Variants in AUTS2 observed in about 807,000 individuals in gnomAD.
AUTS2 encodes the protein autism susceptibility gene 2 protein.
In AUTS2, 17 loss-of-function variants were observed where a neutral mutation model predicts 112.4. That is an observed-to-expected ratio of 0.15 (90% CI 0.10 to 0.23). The LOEUF (loss-of-function observed/expected upper bound fraction) is 0.23, where lower values mean the gene tolerates loss of function less well. Ranked by LOEUF, AUTS2 falls within the 10% of genes least tolerant of loss-of-function variation. The probability of loss-of-function intolerance (pLI) is 1.00; values close to 1 mark genes in which losing one functional copy is unlikely to be tolerated. For missense variants in AUTS2, 1,510 were observed against 1,701.6 expected (o/e 0.89, Z 1.98); for synonymous variants, 751 against 702.7 (o/e 1.07, Z -1.09).
chr7:69,669,380 A>G (rs1206663460), intron 1 of AUTS2, among the ~76,000 whole-genome samples: 3 of 152,092 alleles, frequency 2.0e-5, no homozygotes, highest in Admixed American at 6.6e-5. Context: ...ATATATAAGT[A>G]TATACAAACC....
chr7:69,978,859 A>AACACACACACACACACACACACACAC (rs71068004), intron 2 of AUTS2, among the ~76,000 whole-genome samples: 4 of 129,716 alleles, frequency 3.1e-5, no homozygotes, highest in Non-Finnish European at 6.4e-5. Flanking sequence ...TCAAAGAAAC[A>AACACACACACACACACACACACACAC]ACACACACAC....
intron 4 of AUTS2, among the ~76,000 whole-genome samples, chr7:70,341,517 A>T (rs1231550107): frequency 6.6e-6 from 1 of 152,228 alleles, no homozygotes; most frequent in Admixed American, 6.5e-5. Context: ...CACAGTGACA[A>T]CTTTCTCAGA....
chr7:70,755,892 CTATA>C (rs982162243), intron 6 of AUTS2, among the ~76,000 whole-genome samples: 7 of 151,688 alleles, frequency 4.6e-5, no homozygotes, highest in South Asian at 2.1e-4. Context: ...TATTTAATAA[CTATA>C]TATAATTATT....
At chr7:70,290,292 C>T (rs1167074427) in intron 4 of AUTS2, 3 of 1,336,554 alleles carry the variant, frequency 2.2e-6, no homozygotes, top group Non-Finnish European at 2.9e-6. Context: ...GTAAAAAAAA[C>T]ATTTAGCACA....
intron 5 of AUTS2, among the ~76,000 whole-genome samples, chr7:70,540,492 C>T (rs1003213201): frequency 3.9e-5 from 6 of 152,188 alleles, no homozygotes; most frequent in African/African-American, 1.4e-4. Context: ...GGGAAGCACA[C>T]AGTCGTCTCT....
At chr7:69,714,534 A>T (rs1396624680) in intron 1 of AUTS2, among the ~76,000 whole-genome samples, 13 of 152,064 alleles carry the variant, frequency 8.5e-5, no homozygotes, top group African/African-American at 2.9e-4. Flanking sequence ...TGATCTATGT[A>T]AAAATTCCTT....
intron 5 of AUTS2, among the ~76,000 whole-genome samples, chr7:70,492,949 T>A (rs1798309622): frequency 6.6e-6 from 1 of 152,236 alleles, no homozygotes; most frequent in Admixed American, 6.5e-5. Context: ...TTATCCACAT[T>A]ATGCATGTTT....
At chr7:70,115,491 A>G (rs1343830241) in intron 2 of AUTS2, among the ~76,000 whole-genome samples, 4 of 152,230 alleles carry the variant, frequency 2.6e-5, no homozygotes, top group African/African-American at 4.8e-5. Context: ...GTGTTGATCA[A>G]ATATCACCTA....
intron 4 of AUTS2, among the ~76,000 whole-genome samples, chr7:70,421,089 A>G (rs1043148504): frequency 2.0e-5 from 3 of 152,198 alleles, no homozygotes; most frequent in Non-Finnish European, 4.4e-5. Context: ...CTTTAGCTAA[A>G]TAGGGGTTTT....
At chr7:70,641,478 G>A (rs1805827353) in intron 5 of AUTS2, among the ~76,000 whole-genome samples, 1 of 152,122 alleles carries the variant, frequency 6.6e-6, no homozygotes, top group Non-Finnish European at 1.5e-5. Flanking sequence ...CGTGAACCCG[G>A]GAGGCAGAGC....
intron 4 of AUTS2, among the ~76,000 whole-genome samples, chr7:70,333,353 TTGG>T (rs1317662796): frequency 4.6e-5 from 7 of 152,154 alleles, no homozygotes; most frequent in Non-Finnish European, 8.8e-5. Context: ...TTTTACACTG[TTGG>T]TGGGAGTGTA....
intron 2 of AUTS2, among the ~76,000 whole-genome samples, chr7:69,997,589 C>A (rs2129552272): frequency 6.6e-6 from 1 of 152,282 alleles, no homozygotes. Flanking sequence ...CTCGTGAAGG[C>A]CTCAGGAAGT....
chr7:70,491,857 C>T (rs1006200097), intron 5 of AUTS2, among the ~76,000 whole-genome samples: 16 of 152,014 alleles, frequency 1.1e-4, no homozygotes, highest in Non-Finnish European at 1.8e-4. Flanking sequence ...TCAGGTAATC[C>T]GCCCGCCTCG....
intron 2 of AUTS2, among the ~76,000 whole-genome samples, chr7:69,960,480 G>A (rs1389092973): frequency 2.0e-5 from 3 of 152,124 alleles, no homozygotes; most frequent in Non-Finnish European, 1.5e-5. Flanking sequence ...CTGAATTCAT[G>A]CTGCACAACC....
chr7:70,479,215 T>C (rs952031133), intron 5 of AUTS2, among the ~76,000 whole-genome samples: 1 of 152,166 alleles, frequency 6.6e-6, no homozygotes. Context: ...ACGATGTCCT[T>C]TTCACTTCTT....
At chr7:70,023,995 A>G (rs1271228835) in intron 2 of AUTS2, among the ~76,000 whole-genome samples, 1 of 152,250 alleles carries the variant, frequency 6.6e-6, no homozygotes, top group South Asian at 2.1e-4. Context: ...TGACTGGCAC[A>G]CAGCAGGTCC....
At chr7:70,572,475 G>A (rs1446253348) in intron 5 of AUTS2, among the ~76,000 whole-genome samples, 1 of 127,050 alleles carries the variant, frequency 7.9e-6, no homozygotes, top group East Asian at 2.8e-4. Flanking sequence ...GGGGTGGGGA[G>A]GCAGGAAAAG....
intron 6 of AUTS2, among the ~76,000 whole-genome samples, chr7:70,762,339 G>A (rs545481997): frequency 5.3e-5 from 8 of 152,128 alleles, no homozygotes; most frequent in African/African-American, 1.2e-4. Context: ...GTCTCGCTAC[G>A]TTGCCCAGGG....
At chr7:70,444,343 C>CGTGTGTGT (rs370735846) in intron 5 of AUTS2, among the ~76,000 whole-genome samples, 12,484 of 138,532 alleles carry the variant, frequency 0.09, 756 homozygotes, top group Non-Finnish European at 0.11. Flanking sequence ...TGGTCATGTA[C>CGTGTGTGT]GTGTGTGTGT....
Sources: allele counts gnomAD v4.1 joint callset (sites outside exome capture counted in the v4.1 genomes callset), GRCh38; gene constraint gnomAD v4.1.1; transcripts MANE v1.5; gene names NCBI Gene and HGNC (gene_info 2026-07-23, HGNC 2026-07-21).